Variants in EML4 observed in about 807,000 individuals in gnomAD.
The protein encoded by EML4 is echinoderm microtubule-associated protein-like 4.
EML4 carries 72 observed loss-of-function variants against 129.0 expected under a neutral mutation model. The ratio of observed to expected loss-of-function variants is 0.56; its 90% confidence interval spans 0.46 to 0.68. The LOEUF (loss-of-function observed/expected upper bound fraction) is 0.68, where lower values mean the gene tolerates loss of function less well. EML4 is among the 30% of genes least tolerant of loss of function. EML4 has a pLI of 0.00. For missense variants in EML4, 1,363 were observed against 1,190.6 expected, an observed-to-expected ratio of 1.14 and a Z score of -2.13; for synonymous variants, 532 against 405.0, an observed-to-expected ratio of 1.31 and a Z score of -3.77.
chr2:42,186,005 T>C (rs1404119196), intron 1 of EML4, among the ~76,000 whole-genome samples: 1 of 152,156 alleles, frequency 6.6e-6, no homozygotes, highest in African/African-American at 2.4e-5. Context: ...TCATAGTAAC[T>C]CTGAAAGGTC....
In EML4 at chr2:42,169,789, C is replaced by T. The variant is rs1055005854; in HGVS notation, c.25+153C>T. On this transcript the variant is annotated intron_variant, in intron 1 of 22. Transcript: ENST00000318522. ...TTCGAGGCTGCCGCCCCTCCGCGGA[C>T]TCCGGTGGACTGAGGGCCCCTCCCC... 8 of 753,574 alleles carry T rather than the reference C, an allele frequency of 1.1e-5. No homozygotes were observed. In the African/African-American group the frequency reaches 1.1e-4, roughly 10 times the overall value. The allele number at this position is 753,574 out of a possible 1,614,324, so 46.7% of individuals were successfully genotyped here.
At chr2:42,260,409 A>C (rs1329329923) in intron 3 of EML4, among the ~76,000 whole-genome samples, 1 of 152,074 alleles carries the variant, frequency 6.6e-6, no homozygotes, top group Non-Finnish European at 1.5e-5. Context: ...CTCAGGTGAT[A>C]CTTGCCTCGC....
intron 2 of EML4, among the ~76,000 whole-genome samples, chr2:42,254,852 A>G (rs938697978): frequency 3.3e-5 from 5 of 152,214 alleles, no homozygotes; most frequent in Admixed American, 3.3e-4. Flanking sequence ...TTATGGCAGC[A>G]CTATTCCCAT....
intron 1 of EML4, among the ~76,000 whole-genome samples, chr2:42,183,523 A>G (rs1033263496): frequency 3.3e-5 from 5 of 152,148 alleles, no homozygotes; most frequent in African/African-American, 7.2e-5. Context: ...CTGTCCTAGG[A>G]CTACTTTGTT....
At chr2:42,299,158 G>A (rs989048819) in intron 13 of EML4, among the ~76,000 whole-genome samples, 1 of 152,180 alleles carries the variant, frequency 6.6e-6, no homozygotes. Flanking sequence ...TCTACTTCCA[G>A]CTCTGCTGAA....
intron 3 of EML4, among the ~76,000 whole-genome samples, chr2:42,259,212 A>C (rs1294583500): frequency 6.6e-6 from 1 of 150,742 alleles, no homozygotes; most frequent in African/African-American, 2.4e-5. Context: ...ATACCACTGC[A>C]CTCCAGCCTA....
chr2:42,281,819 A>T (rs1360681478), intron 7 of EML4, among the ~76,000 whole-genome samples: 1 of 152,168 alleles, frequency 6.6e-6, no homozygotes, highest in Non-Finnish European at 1.5e-5. Context: ...AACCTCCAAG[A>T]AACTCAGTGA....
At chr2:42,286,084 T>G (rs576435835) in intron 9 of EML4, 185 bp from the exon 10 acceptor site, 1 of 628,558 alleles carries the variant, frequency 1.6e-6, no homozygotes, top group African/African-American at 1.8e-5. Context: ...TTTGCTGCTA[T>G]TTTCTTATTT....
chr2:42,332,473 A>C lies in EML4; in HGVS notation c.*2266A>C. 1 of 194,712 alleles carries C rather than the reference A, an allele frequency of 5.1e-6. No homozygotes were observed. Among genetic ancestry groups the C allele is most frequent in the Admixed American group, 6.1e-5 (1 of 16,408 alleles). 12.1% of individuals were successfully genotyped at this position (194,712 alleles called of 1,614,324 possible). On this transcript the variant is annotated 3_prime_UTR_variant, in exon 23 of 23. Transcript: ENST00000318522. ...CATGTGAAGATGTTGAGCCATTGCT[A>C]TCATGCATTCCTGTCTCATGGCAGA...
Position 42,169,481 on chromosome 2 carries a change from A to G in EML4, c.-131A>G. The stretch of plus-strand genomic sequence containing the variant: ...CCCAGGGCGAACGGACGGACGACGG[A>G]GGCGGGAGCCGGTAGCCGAGCCGGG... On this transcript the variant is annotated 5_prime_UTR_variant, in exon 1 of 23. Coordinates refer to ENST00000318522, the MANE Select transcript of EML4 (RefSeq NM_019063.5). The G allele has an allele frequency of 9.3e-7, 1 of 1,070,734 alleles. No individual in the cohort carries two copies. Among genetic ancestry groups the G allele is most frequent in the Non-Finnish European group, 1.3e-6 (1 of 766,368 alleles). The allele number at this position is 1,070,734 out of a possible 1,614,324, so 66.3% of individuals were successfully genotyped here. A position where few individuals can be genotyped will look rare whatever the true frequency, so the allele number is the denominator to read the frequency against.
At chr2:42,187,019 T>C (rs1254077032) in intron 1 of EML4, among the ~76,000 whole-genome samples, 1 of 145,934 alleles carries the variant, frequency 6.9e-6, no homozygotes, top group Non-Finnish European at 1.5e-5. Flanking sequence ...CATTGTATTT[T>C]GTCTTTTTTT....
rs56773943 is a variant in EML4 at position 42,219,924 on chromosome 2, T to TA, written c.26-25565dup. Among the ~76,000 whole-genome samples, 715 of 137,714 alleles carry TA rather than the reference T, an allele frequency of 5.2e-3. 5 individuals carry two copies. Among genetic ancestry groups the TA allele is most frequent in the Middle Eastern group, 0.019 (5 of 268 alleles). The allele number at this position is 137,714 out of a possible 152,430, so 90.3% of individuals were successfully genotyped here. ...CTGGGCGACAGAAGGAGACTCCATC[T>TA]AAAAAAAAAAAAAAAAGGAAAACTC... On this transcript the variant is annotated intron_variant, in intron 1 of 22. Coordinates refer to ENST00000318522, the MANE Select transcript of EML4 (RefSeq NM_019063.5).
chr2:42,251,288 A>G (rs865892671), intron 2 of EML4, among the ~76,000 whole-genome samples: 2 of 152,372 alleles, frequency 1.3e-5, no homozygotes. Context: ...AAAATAGGGT[A>G]TTAGAATCTT....
intron 1 of EML4, among the ~76,000 whole-genome samples, chr2:42,218,076 G>A (rs1178627876): frequency 6.6e-6 from 1 of 152,184 alleles, no homozygotes; most frequent in Non-Finnish European, 1.5e-5. Context: ...ACAGCAGGAG[G>A]TGAGCAGTGG....
At chr2:42,245,090 C>CTTTTTTTT (rs960416568) in intron 1 of EML4, among the ~76,000 whole-genome samples, 2 of 14,512 alleles carry the variant, frequency 1.4e-4, no homozygotes, top group Non-Finnish European at 2.5e-4. Context: ...TTGAAATTTT[C>CTTTTTTTT]TTTCTTTTTT....
chr2:42,280,883 G>A lies in EML4; in HGVS notation c.701G>A (p.Arg234Gln), dbSNP rs1476566710. Residue 234 changes from arginine to glutamine, a missense_variant, in exon 7 of 23, where the codon CGG (arginine) becomes CAG (glutamine). Transcript: ENST00000318522. ...GEYIKMFMRG[R>Q]PITMFIPSDV... ...TATATTAAAATGTTTATGCGCGGTC[G>A]GCCAATTACCATGTTCATTCCTTCC... is the stretch of plus-strand genomic sequence containing the variant. The A allele has an allele frequency of 1.9e-6, 3 of 1,611,086 alleles. No individual in the cohort carries two copies. Among genetic ancestry groups the A allele is most frequent in the African/African-American group, 1.3e-5 (1 of 74,696 alleles).
At chr2:42,273,357 C>T (rs975751076) in intron 6 of EML4, among the ~76,000 whole-genome samples, 1 of 152,054 alleles carries the variant, frequency 6.6e-6, no homozygotes, top group African/African-American at 2.4e-5. Flanking sequence ...TAAAAATAAT[C>T]TAAAATGCTT....
intron 13 of EML4, 36 bp from the exon 14 acceptor site, chr2:42,301,205 A>G: frequency 6.4e-7 from 1 of 1,570,708 alleles, no homozygotes; most frequent in Non-Finnish European, 8.7e-7. Context: ...GAAGAAAAGT[A>G]TTATCACTAG....
chr2:42,235,368 G>C (rs183072634), intron 1 of EML4, among the ~76,000 whole-genome samples: 1 of 116,182 alleles, frequency 8.6e-6, no homozygotes, highest in Non-Finnish European at 1.8e-5. Flanking sequence ...GCTAAGGCGC[G>C]AGAATTACTT....
Sources: allele counts gnomAD v4.1 joint callset (sites outside exome capture counted in the v4.1 genomes callset), GRCh38; gene constraint gnomAD v4.1.1; transcripts MANE v1.5; gene names NCBI Gene and HGNC (gene_info 2026-07-23, HGNC 2026-07-21).